ZNF510: variants seen among roughly 807,000 people sequenced by gnomAD.
The protein encoded by ZNF510 is zinc finger protein 510.
ZNF510 carries 15 observed loss-of-function variants against 18.1 expected under a neutral mutation model. The observed-to-expected ratio is 0.83, with a 90% confidence interval of 0.55 to 1.28. The LOEUF (loss-of-function observed/expected upper bound fraction) is 1.28. Ranked by LOEUF, ZNF510 falls within the 50% of genes most tolerant of loss-of-function variation. ZNF510 has a pLI of 0.00. For missense variants in ZNF510, 724 were observed against 791.8 expected (o/e 0.91, Z 1.03); for synonymous variants, 261 against 266.4 (o/e 0.98, Z 0.20).
At position 96,757,870 on chromosome 9, in the gene ZNF510, C is replaced by A. The variant is rs1849232934; in HGVS notation, c.*908G>T. On this transcript the variant is annotated 3_prime_UTR_variant, in exon 6 of 6. Transcript: ENST00000223428. Reference sequence around the variant, plus strand: ...GAATACAAGCACTGTCATACCCTGACAGGTGATCTGATAACTAAAATGTCA... The same window carrying A: ...GAATACAAGCACTGTCATACCCTGAAAGGTGATCTGATAACTAAAATGTCA... The A allele has an allele frequency of 6.7e-6, 1 of 149,942 alleles. No homozygotes were observed. Among genetic ancestry groups the A allele is most frequent in the South Asian group, 2.1e-4 (1 of 4,818 alleles). 9.3% of individuals were successfully genotyped at this position (149,942 alleles called of 1,614,324 possible).
intron 3 of ZNF510, among the ~76,000 whole-genome samples, chr9:96,764,141 T>C (rs900644674): frequency 1.3e-5 from 2 of 152,190 alleles, no homozygotes; most frequent in South Asian, 2.1e-4. Context: ...ATGAGTTATA[T>C]ACATATACTA....
intron 3 of ZNF510, among the ~76,000 whole-genome samples, chr9:96,772,274 G>C (rs12345993): frequency 0.059 from 9,026 of 152,154 alleles, 884 homozygotes; most frequent in African/African-American, 0.2. Flanking sequence ...ACTCTATGTA[G>C]ATCAAGCTAA....
At chr9:96,774,242 C>T (rs1054635296) in intron 3 of ZNF510, among the ~76,000 whole-genome samples, 4 of 152,338 alleles carry the variant, frequency 2.6e-5, no homozygotes, top group African/African-American at 9.6e-5. Flanking sequence ...CCTACACCAT[C>T]GATCTCTCCT....
At position 96,755,192 on chromosome 9, in the gene ZNF510, A is replaced by G. The variant is rs141777710; in HGVS notation, c.*3586T>C. On this transcript the variant is annotated 3_prime_UTR_variant, in exon 6 of 6. Coordinates refer to ENST00000223428, the MANE Select transcript of ZNF510 (RefSeq NM_014930.3). ...CACCTCGGTGAATCAGTTCCACCCTACAGGGTTCCTGATCCTTAATACCAA... is the reference window on the plus strand; with the variant it reads ...CACCTCGGTGAATCAGTTCCACCCTGCAGGGTTCCTGATCCTTAATACCAA... Among the ~76,000 whole-genome samples, 59 of 152,346 alleles carry G rather than the reference A, an allele frequency of 3.9e-4. No individual in the cohort carries two copies. Among genetic ancestry groups the G allele is most frequent in the African/African-American group, 1.3e-3 (54 of 41,590 alleles).
chr9:96,763,509 C>T lies in ZNF510; in HGVS notation c.253G>A (p.Val85Met). The part of the protein sequence containing the change: ...MLENYSNLVS[V>M]GYCCFKPEVI... Reference sequence around the variant, plus strand: ...TAAGTTATGTTTACATGCTTACCCACTGAGACGAGGTTGCTGTAGTTCTCC... The same window carrying T: ...TAAGTTATGTTTACATGCTTACCCATTGAGACGAGGTTGCTGTAGTTCTCC... Residue 85 changes from valine to methionine, a missense_variant, in exon 4 of 6, where the codon GTG becomes ATG. Transcript: ENST00000223428. 1 of 1,605,776 alleles carries T rather than the reference C, an allele frequency of 6.2e-7. No individual in the cohort carries two copies. The highest frequency in any genetic ancestry group is 1.1e-5 in the South Asian group (1 of 89,292).
In ZNF510 at chr9:96,756,886, A is replaced by T. The variant is rs1849207682; in HGVS notation, c.*1892T>A. ...GGACCTCAGAGGTATCTTTACATACAATTATTCCTGATTAGAATTCTATGA... is the reference window on the plus strand; with the variant it reads ...GGACCTCAGAGGTATCTTTACATACTATTATTCCTGATTAGAATTCTATGA... On this transcript the variant is annotated 3_prime_UTR_variant, in exon 6 of 6. Coordinates refer to ENST00000223428, the MANE Select transcript of ZNF510 (RefSeq NM_014930.3). 6.6e-6 allele frequency: 1 copy of T among 152,236 alleles called. No individual in the cohort carries two copies. Among genetic ancestry groups the T allele is most frequent in the African/African-American group, 2.4e-5 (1 of 41,468 alleles). The allele number at this position is 152,236 out of a possible 1,614,324, so 9.4% of individuals were successfully genotyped here.
intron 5 of ZNF510, 84 bp downstream of exon 5, chr9:96,763,034 G>T: frequency 9.3e-7 from 1 of 1,071,092 alleles, no homozygotes; most frequent in Non-Finnish European, 1.4e-6. Context: ...GAAAAGTCTT[G>T]CAATATTTAG....
chr9:96,766,643 T>TAAA (rs146108871), intron 3 of ZNF510, among the ~76,000 whole-genome samples: 2 of 150,018 alleles, frequency 1.3e-5, no homozygotes, highest in South Asian at 4.2e-4. Flanking sequence ...CTTTGCACAT[T>TAAA]AAAAAAAAAG....
intron 3 of ZNF510, among the ~76,000 whole-genome samples, chr9:96,768,060 C>T (rs1189816619): frequency 6.6e-6 from 1 of 152,028 alleles, no homozygotes; most frequent in Non-Finnish European, 1.5e-5. Context: ...AGGTGGCTCA[C>T]CATAAGAAAA....
chr9:96,759,161 C>T lies in ZNF510; in HGVS notation c.1669G>A (p.Asp557Asn). 1 of 1,613,978 alleles carries T rather than the reference C, an allele frequency of 6.2e-7. No individual in the cohort carries two copies. Among genetic ancestry groups the T allele is most frequent in the South Asian group, 1.1e-5 (1 of 91,070 alleles). Residue 557 changes from aspartate (D) to asparagine (N), a missense_variant, in exon 6 of 6, where the codon GAT (aspartate) becomes AAT (asparagine). Transcript: ENST00000223428. ...NECEKSFWRKDHLIQHQKTHT... is the reference protein window; with the variant it reads ...NECEKSFWRKNHLIQHQKTHT... ...GTTTTCTGATGTTGAATGAGATGAT[C>T]TTTTCGCCAGAAGGATTTTTCACAT...
At chr9:96,761,892 A>G (rs1445325803) in intron 5 of ZNF510, among the ~76,000 whole-genome samples, 1 of 152,208 alleles carries the variant, frequency 6.6e-6, no homozygotes, top group Non-Finnish European at 1.5e-5. Context: ...TTCCATTAAT[A>G]TTCTTTTATG....
chr9:96,764,665 T>A (rs1396733240), intron 3 of ZNF510, among the ~76,000 whole-genome samples: 1 of 152,044 alleles, frequency 6.6e-6, no homozygotes, highest in Non-Finnish European at 1.5e-5. Flanking sequence ...TAAAGTATAA[T>A]ACAACAACAA....
At position 96,758,066 on chromosome 9, in the gene ZNF510, T is replaced by C; in HGVS notation, c.*712A>G. ...TTATTTCTGGATCCATTTAATAACT[T>C]TAAAGTACAGTTGACCATGGTTAAT... On this transcript the variant is annotated 3_prime_UTR_variant, in exon 6 of 6. Transcript: ENST00000223428. 1 of 152,208 alleles carries C rather than the reference T, an allele frequency of 6.6e-6. No homozygotes were observed. Among genetic ancestry groups the C allele is most frequent in the African/African-American group, 2.4e-5 (1 of 41,452 alleles). The allele number at this position is 152,208 out of a possible 1,614,324, so 9.4% of individuals were successfully genotyped here.
At position 96,763,774 on chromosome 9, in the gene ZNF510, C is replaced by T. The variant is rs10124163; in HGVS notation, c.130-142G>A. ...ATGCCTATTTTGAATCTAATTTAAT[C>T]TTAGACTTTGAAGGTATTAAATTGG... is the stretch of plus-strand genomic sequence containing the variant. On this transcript the variant is annotated intron_variant, in intron 3 of 5. Transcript: ENST00000223428. 0.016 allele frequency: 13,486 copies of T among 865,122 alleles called. 1,264 individuals are homozygous for T. The African/African-American group carries it at 0.21, about 13-fold the overall frequency. 53.6% of individuals were successfully genotyped at this position (865,122 alleles called of 1,614,324 possible).
rs750284424 is a variant in ZNF510, at chr9:96,776,088, CTG to C, written c.-21_-20del. 5 of 1,590,796 alleles carry C rather than the reference CTG, an allele frequency of 3.1e-6. No homozygotes were observed. Among genetic ancestry groups the C allele is most frequent in the Non-Finnish European group, 4.3e-6 (5 of 1,167,058 alleles). ...GCGACATCACCAAGTCTGGTGCTCT[CTG>C]GGCAAGGGGATGAAGAAGTGCCGCT... On this transcript the variant is annotated 5_prime_UTR_variant, in exon 2 of 6. Coordinates refer to ENST00000223428, the MANE Select transcript of ZNF510 (RefSeq NM_014930.3).
chr9:96,771,203 A>G (rs920021510), intron 3 of ZNF510, among the ~76,000 whole-genome samples: 1 of 152,206 alleles, frequency 6.6e-6, no homozygotes, highest in African/African-American at 2.4e-5. Flanking sequence ...GTATCTTTCC[A>G]TTAATGTAGA....
chr9:96,755,556 C>G lies in ZNF510; in HGVS notation c.*3222G>C, dbSNP rs953447666. ...GTAACTGGCCTATGATATTCTATTT[C>G]TTAAGTCCTAAGATGTATTCTTTTT... On this transcript the variant is annotated 3_prime_UTR_variant, in exon 6 of 6. Coordinates refer to ENST00000223428, the MANE Select transcript of ZNF510 (RefSeq NM_014930.3). Among the ~76,000 whole-genome samples the G allele has an allele frequency of 6.6e-6, 1 of 152,118 alleles. No individual in the cohort carries two copies. The highest frequency in any genetic ancestry group is 2.4e-5 in the African/African-American group (1 of 41,418).
In ZNF510 at chr9:96,759,875, C is replaced by G. The variant is rs1564434268; in HGVS notation, c.955G>C (p.Glu319Gln). 6.2e-7 allele frequency: 1 copy of G among 1,613,282 alleles called. No homozygotes were observed. Among genetic ancestry groups the G allele is most frequent in the African/African-American group, 1.3e-5 (1 of 75,028 alleles). The change falls in exon 6 of 6, where the codon GAG (glutamate) becomes CAG (glutamine). Residue 319 changes from glutamate to glutamine, a missense_variant. Physicochemically the swap from Glu to Gln is conservative, Grantham distance 29. Transcript: ENST00000223428. ...LHLNQCGKSF[E>Q]KSTVEEYNKL... ...TTATATTCCTCCACAGTTGACTTCT[C>G]AAAGGATTTCCCACATTGATTAAGA...
intron 3 of ZNF510, 45 bp from the exon 4 acceptor site, chr9:96,763,677 A>C: frequency 6.6e-7 from 1 of 1,514,556 alleles, no homozygotes. Flanking sequence ...TCAGAATTAG[A>C]TGATGTAGAA....
Sources: gnomAD v4.1 joint callset for allele counts (sites outside exome capture counted in the v4.1 genomes callset) on GRCh38, gnomAD v4.1.1 for gene constraint, MANE v1.5 for transcripts, NCBI Gene and HGNC (gene_info 2026-07-23, HGNC 2026-07-21) for gene names.